The following TRPC6 variants were observed in gnomAD, a reference collection of about 807,000 sequenced individuals.
The protein encoded by TRPC6 is transient receptor potential cation channel subfamily C member 6.
In TRPC6, 55 loss-of-function variants were observed where a neutral mutation model predicts 90.7. The ratio of observed to expected loss-of-function variants is 0.61; its 90% CI spans 0.49 to 0.76. TRPC6 has a LOEUF of 0.76. Ranked by LOEUF, TRPC6 falls within the 30% of genes least tolerant of loss-of-function variation. The probability of loss-of-function intolerance (pLI) is 0.00; values close to 1 mark genes in which losing one functional copy is unlikely to be tolerated. For synonymous variants in TRPC6, 393 were observed against 393.0 expected (o/e 1.00, Z 0.00); for missense variants, 989 against 1,122.7 (o/e 0.88, Z 1.70).
At chr11:101,457,222 G>C (rs1434987739) in intron 10 of TRPC6, among the ~76,000 whole-genome samples, 1 of 152,152 alleles carries the variant, frequency 6.6e-6, no homozygotes, top group Non-Finnish European at 1.5e-5. Context: ...CTGGATGCAA[G>C]CTTTGTTCCT....
chr11:101,539,954 A>C (rs1002735282), intron 1 of TRPC6, among the ~76,000 whole-genome samples: 1 of 152,232 alleles, frequency 6.6e-6, no homozygotes, highest in African/African-American at 2.4e-5. Flanking sequence ...TGGAAGTTTC[A>C]ATGGGAGCAT....
intron 1 of TRPC6, among the ~76,000 whole-genome samples, chr11:101,511,362 C>A (rs1331283921): frequency 6.6e-6 from 1 of 152,100 alleles, no homozygotes; most frequent in African/African-American, 2.4e-5. Flanking sequence ...GCCTTATTCA[C>A]ACTGAATTCA....
At chr11:101,555,783 T>C (rs890884910) in intron 1 of TRPC6, among the ~76,000 whole-genome samples, 4 of 152,154 alleles carry the variant, frequency 2.6e-5, no homozygotes, top group African/African-American at 9.7e-5. Context: ...GAATTTTATA[T>C]AAATAAAATT....
intron 10 of TRPC6, among the ~76,000 whole-genome samples, chr11:101,461,292 C>T (rs533779117): frequency 7.2e-5 from 11 of 152,302 alleles, no homozygotes; most frequent in East Asian, 3.9e-4. Flanking sequence ...GGGCCAGGCA[C>T]GGTGGCTGAT....
intron 1 of TRPC6, among the ~76,000 whole-genome samples, chr11:101,565,990 A>G (rs10895140): frequency 0.62 from 94,050 of 151,976 alleles, 29,310 homozygotes; most frequent in Non-Finnish European, 0.66. Context: ...TTTAATGCAC[A>G]GCACTCTTTC....
chr11:101,558,300 G>T (rs1456226838), intron 1 of TRPC6, among the ~76,000 whole-genome samples: 2 of 126,744 alleles, frequency 1.6e-5, no homozygotes, highest in African/African-American at 6.3e-5. Flanking sequence ...CATGTATATG[G>T]GTATACATGT....
rs59511975 is a variant in TRPC6 at position 101,501,267 on chromosome 11, T to TAAAAA, written c.945+2752_945+2756dup. 1.7e-4 allele frequency among the ~76,000 whole-genome samples: 25 copies of TAAAAA among 147,364 alleles called. 1 individual carries two copies. The highest frequency in any genetic ancestry group is 6.5e-4 in the South Asian group (3 of 4,622). ...GGGAGTTGACTATTTAAAAAGATTT[T>TAAAAA]AAAAAAAAAGACTGAAAGGATATGT... On this transcript the variant is annotated intron_variant, in intron 2 of 12. Transcript: ENST00000344327.
At chr11:101,496,318 C>T (rs1330890685) in intron 2 of TRPC6, among the ~76,000 whole-genome samples, 3 of 152,094 alleles carry the variant, frequency 2.0e-5, no homozygotes, top group Non-Finnish European at 4.4e-5. Context: ...TTGCATTGGC[C>T]AACCATGCTT....
At chr11:101,577,505 G>A (rs1416333182) in intron 1 of TRPC6, among the ~76,000 whole-genome samples, 6 of 152,100 alleles carry the variant, frequency 3.9e-5, no homozygotes, top group African/African-American at 1.4e-4. Context: ...GAAAGAAGGA[G>A]AATTTTAAAA....
chr11:101,550,019 G>A (rs367565514), intron 1 of TRPC6, among the ~76,000 whole-genome samples: 2 of 151,508 alleles, frequency 1.3e-5, no homozygotes, highest in Non-Finnish European at 3.0e-5. Flanking sequence ...ACAGAAAGTG[G>A]AACAGTCTTT....
chr11:101,487,352 C>T (rs6590866), intron 4 of TRPC6, among the ~76,000 whole-genome samples: 53,712 of 151,846 alleles, frequency 0.35, 11,000 homozygotes, highest in African/African-American at 0.57. Flanking sequence ...TAGATATAAC[C>T]CATGTTCTAG....
chr11:101,520,404 T>C (rs969685281), intron 1 of TRPC6, among the ~76,000 whole-genome samples: 8 of 152,206 alleles, frequency 5.3e-5, no homozygotes, highest in African/African-American at 1.4e-4. Flanking sequence ...GGTAGTTCTT[T>C]AGAGCAATGT....
rs1858768345 is a variant in TRPC6 at position 101,451,754 on chromosome 11, TAA to T, written c.*1199_*1200del. On this transcript the variant is annotated 3_prime_UTR_variant, in exon 13 of 13. Coordinates refer to ENST00000344327, the MANE Select transcript of TRPC6 (RefSeq NM_004621.6). Reference sequence around the variant, plus strand: ...AACCATTTCATCTTTAAGATGAAGTTAAAGATTTGCATTTGAAATCTCCCATT... The same window carrying T: ...AACCATTTCATCTTTAAGATGAAGTTAGATTTGCATTTGAAATCTCCCATT... The T allele has an allele frequency of 6.6e-6, 1 of 152,248 alleles. No individual in the cohort carries two copies. The highest frequency in any genetic ancestry group is 2.1e-4 in the South Asian group (1 of 4,838). The allele number at this position is 152,248 out of a possible 1,614,324, so 9.4% of individuals were successfully genotyped here. A position where few individuals can be genotyped will look rare whatever the true frequency, so the allele number is the denominator to read the frequency against.
intron 10 of TRPC6, among the ~76,000 whole-genome samples, chr11:101,460,974 C>A (rs923497252): frequency 6.6e-6 from 1 of 152,112 alleles, no homozygotes; most frequent in Non-Finnish European, 1.5e-5. Flanking sequence ...ACATTACTAG[C>A]TGAAATGTCA....
intron 5 of TRPC6, among the ~76,000 whole-genome samples, chr11:101,481,705 C>T (rs921923099): frequency 5.3e-5 from 8 of 152,312 alleles, no homozygotes; most frequent in African/African-American, 1.9e-4. Flanking sequence ...TGCCAGGCCT[C>T]ATCCTCCTCG....
At chr11:101,538,828 G>A (rs1318724534) in intron 1 of TRPC6, among the ~76,000 whole-genome samples, 1 of 152,170 alleles carries the variant, frequency 6.6e-6, no homozygotes, top group Non-Finnish European at 1.5e-5. Context: ...TAGAAGCTAA[G>A]AATGATCCCC....
At chr11:101,468,894 T>C (rs938856822) in intron 10 of TRPC6, among the ~76,000 whole-genome samples, 2 of 152,204 alleles carry the variant, frequency 1.3e-5, no homozygotes, top group Non-Finnish European at 2.9e-5. Flanking sequence ...GGCCCTACTA[T>C]GTACAGGCCA....
chr11:101,509,562 TAAC>T (rs1400060924), intron 1 of TRPC6, among the ~76,000 whole-genome samples: 1 of 152,178 alleles, frequency 6.6e-6, no homozygotes, highest in Non-Finnish European at 1.5e-5. Flanking sequence ...GATTTTAAAA[TAAC>T]AATCTATGAC....
At chr11:101,493,112 T>G (rs1056539406) in intron 2 of TRPC6, among the ~76,000 whole-genome samples, 1 of 152,150 alleles carries the variant, frequency 6.6e-6, no homozygotes, top group African/African-American at 2.4e-5. Flanking sequence ...TTTCTTACAC[T>G]AAGACCACCT....
Sources: gnomAD v4.1 joint callset for allele counts (sites outside exome capture counted in the v4.1 genomes callset) on GRCh38, gnomAD v4.1.1 for gene constraint, MANE v1.5 for transcripts, NCBI Gene and HGNC (gene_info 2026-07-23, HGNC 2026-07-21) for gene names.